SNX31: variants seen among roughly 807,000 people sequenced by gnomAD.
SNX31 encodes the protein sorting nexin 31, also known as sorting nexin-31.
In SNX31, 58 loss-of-function variants were observed where a neutral mutation model predicts 65.4. The ratio of observed to expected loss-of-function variants is 0.89; its 90% CI spans 0.72 to 1.10. SNX31 has a LOEUF of 1.10. SNX31 is among the 50% of genes least tolerant of loss of function. SNX31 has a pLI of 0.00. For synonymous variants in SNX31, 181 were observed against 190.1 expected (o/e 0.95, Z 0.39); for missense variants, 523 against 529.7 (o/e 0.99, Z 0.12).
rs915397520 is a variant in SNX31 at position 100,575,521 on chromosome 8, C to A, written c.1227+1498G>T. On this transcript the variant is annotated intron_variant, in intron 13 of 13. Coordinates refer to ENST00000311812, the MANE Select transcript of SNX31 (RefSeq NM_152628.4). The surrounding 1 kb of genome is among the most constrained non-coding windows in gnomAD (Gnocchi z 5.1). ...TAGAGTTACCACTCATCCGAGAGGA[C>A]AACTGAACTGATCACAGTTGTGCTG... Among the ~76,000 whole-genome samples the A allele has an allele frequency of 5.3e-5, 8 of 152,190 alleles. No homozygotes were observed. The highest frequency in any genetic ancestry group is 1.4e-4 in the African/African-American group (6 of 41,448).
Position 100,588,310 on chromosome 8 carries a change from A to C in SNX31, c.1092+556T>G, listed in dbSNP as rs914397290. ...CATTTGGGATAAGGGATACTCAACC[A>C]GTGGCTTTTTATCTGCTTGGAAAAG... On this transcript the variant is annotated intron_variant, in intron 11 of 13. Transcript: ENST00000311812. The surrounding 1 kb of genome is among the most constrained non-coding windows in gnomAD (Gnocchi z 4.8). 1.3e-5 allele frequency among the ~76,000 whole-genome samples: 2 copies of C among 152,224 alleles called. No homozygotes were observed. Among genetic ancestry groups the C allele is most frequent in the Non-Finnish European group, 2.9e-5 (2 of 68,024 alleles).
rs1814260207 is a variant in SNX31, at chr8:100,588,487, A to G, written c.1092+379T>C. Among the ~76,000 whole-genome samples, 1 of 152,170 alleles carries G rather than the reference A, an allele frequency of 6.6e-6. No homozygotes were observed. Among genetic ancestry groups the G allele is most frequent in the Admixed American group, 6.5e-5 (1 of 15,282 alleles). ...TAAAGTTTTATTGGAACATAGCCAGACTCACTTGTTTATATACTGCCTATG... is the reference window on the plus strand; with the variant it reads ...TAAAGTTTTATTGGAACATAGCCAGGCTCACTTGTTTATATACTGCCTATG... On this transcript the variant is annotated intron_variant, in intron 11 of 13. Transcript: ENST00000311812. This position sits in a 1 kb window ranked among gnomAD's most constrained non-coding sequence, Gnocchi z 4.8.
chr8:100,600,308 TCCCTTTCAA>T, intron 9 of SNX31, 32 bp downstream of exon 9: 1 of 1,535,770 alleles, frequency 6.5e-7, no homozygotes, highest in South Asian at 1.1e-5. Flanking sequence ...TTTCTTTAAC[TCCCTTTCAA>T]GGGATTTCTC....
intron 8 of SNX31, among the ~76,000 whole-genome samples, chr8:100,601,320 T>C (rs1023963472): frequency 1.3e-5 from 2 of 152,078 alleles, no homozygotes; most frequent in African/African-American, 4.8e-5. Flanking sequence ...CACAGAATAT[T>C]TAACAACATG....
In SNX31 at chr8:100,626,052, C is replaced by T. The variant is rs933408594; in HGVS notation, c.321+4275G>A. 6.6e-6 allele frequency among the ~76,000 whole-genome samples: 1 copy of T among 152,104 alleles called. No individual in the cohort carries two copies. Among genetic ancestry groups the T allele is most frequent in the African/African-American group, 2.4e-5 (1 of 41,402 alleles). On this transcript the variant is annotated intron_variant, in intron 4 of 13. Transcript: ENST00000311812. This position sits in a 1 kb window ranked among gnomAD's most constrained non-coding sequence, Gnocchi z 4.4. Reference sequence around the variant, plus strand: ...GACCAGCCTGACCAACATGGAGAAACCCCATCTCTACTAAAATACAAAAAT... The same window carrying T: ...GACCAGCCTGACCAACATGGAGAAATCCCATCTCTACTAAAATACAAAAAT...
rs761602871 is a variant in SNX31, at chr8:100,635,991, ATT to A, written c.160_161del (p.Asn54LeufsTer19). The A allele has an allele frequency of 6.2e-7, 1 of 1,614,016 alleles. No individual in the cohort carries two copies. Among genetic ancestry groups the A allele is most frequent in the African/African-American group, 1.3e-5 (1 of 75,008 alleles). On this transcript the variant is annotated frameshift_variant, in exon 3 of 14. Coordinates refer to ENST00000311812, the MANE Select transcript of SNX31 (RefSeq NM_152628.4). LOFTEE classifies it high-confidence loss of function. ...ACTTTGGTGGGAAGGGTGGCAGGCA[ATT>A]TCCAAAGACCCGCCTTAGCTGAAAG... is the stretch of plus-strand genomic sequence containing the variant. ...WNEQLRRVFG[N>X]CLPPFPPKYY...
chr8:100,615,576 G>A (rs938784412), intron 5 of SNX31, among the ~76,000 whole-genome samples: 4 of 152,138 alleles, frequency 2.6e-5, no homozygotes, highest in South Asian at 2.1e-4. Flanking sequence ...TGAACACTGC[G>A]AAGTGAACTT....
rs191151282 is a variant in SNX31, at chr8:100,660,326, T to C, written c.-58+2816A>G. Among the ~76,000 whole-genome samples the C allele has an allele frequency of 2.2e-3, 336 of 152,332 alleles. 2 individuals carry two copies. Among genetic ancestry groups the C allele is most frequent in the African/African-American group, 7.7e-3 (322 of 41,566 alleles). On this transcript the variant is annotated intron_variant, in intron 1 of 5. Transcript: ENST00000520352. This position sits in a 1 kb window ranked among gnomAD's most constrained non-coding sequence, Gnocchi z 4.1. ...AGGTGAGCTTGTCCCAGTCACATTG[T>C]TTAAAAGTGGCAGGGCCAGAAATTG...
At chr8:100,654,699 T>C (rs1820029170) in intron 1 of SNX31, among the ~76,000 whole-genome samples, 1 of 152,134 alleles carries the variant, frequency 6.6e-6, no homozygotes, top group Admixed American at 6.5e-5. Flanking sequence ...AATGTGGGAA[T>C]TGAAAGATGA....
chr8:100,581,333 C>CTATATA lies in SNX31; in HGVS notation c.1170+2777_1170+2778insTATATA, dbSNP rs1330316859. Among the ~76,000 whole-genome samples, 233 of 137,164 alleles carry CTATATA rather than the reference C, an allele frequency of 1.7e-3. 3 individuals carry two copies. Among genetic ancestry groups the CTATATA allele is most frequent in the African/African-American group, 6.2e-3 (202 of 32,638 alleles). The allele number at this position is 137,164 out of a possible 152,430, so 90.0% of individuals were successfully genotyped here. A position where few individuals can be genotyped will look rare whatever the true frequency, so the allele number is the denominator to read the frequency against. ...TTTTTATATATCTATATCTATCTAT[C>CTATATA]TATCTATATATATATATATATATAA... On this transcript the variant is annotated intron_variant, in intron 12 of 13. Coordinates refer to ENST00000311812, the MANE Select transcript of SNX31 (RefSeq NM_152628.4).
chr8:100,590,812 A>G (rs1279786914), intron 10 of SNX31, among the ~76,000 whole-genome samples: 1 of 152,086 alleles, frequency 6.6e-6, no homozygotes, highest in Non-Finnish European at 1.5e-5. Flanking sequence ...CAACAACAAA[A>G]TATGAATTGG....
chr8:100,649,427 C>G (rs191072346), intron 1 of SNX31, 22 bp downstream of exon 1: 39,859 of 1,588,650 alleles, frequency 0.025, 606 homozygotes, highest in Non-Finnish European at 0.03. Flanking sequence ...CCTGCCCACC[C>G]TGACCCCAGC....
chr8:100,577,608 T>C (rs1436621282), intron 12 of SNX31, among the ~76,000 whole-genome samples: 1 of 152,224 alleles, frequency 6.6e-6, no homozygotes, highest in African/African-American at 2.4e-5. Context: ...AACTATTTAA[T>C]GGAGGTGTGG....
chr8:100,622,033 C>T lies in SNX31; in HGVS notation c.322-4303G>A, dbSNP rs112055230. ...GTGGGAGGCAGCCAACCTTCCACAA[C>T]TTTTTAGTTAAATAAACAAATTTCT... On this transcript the variant is annotated intron_variant, in intron 4 of 13. Coordinates refer to ENST00000311812, the MANE Select transcript of SNX31 (RefSeq NM_152628.4). The surrounding 1 kb of genome is among the most constrained non-coding windows in gnomAD (Gnocchi z 5.0). Among the ~76,000 whole-genome samples, 2,462 of 152,326 alleles carry T rather than the reference C, an allele frequency of 0.016. 65 individuals are homozygous for T. Among genetic ancestry groups the T allele is most frequent in the African/African-American group, 0.056 (2,327 of 41,570 alleles).
chr8:100,654,247 G>A (rs1216010354), upstream of SNX31, among the ~76,000 whole-genome samples: 2 of 152,140 alleles, frequency 1.3e-5, no homozygotes, highest in African/African-American at 4.8e-5. Flanking sequence ...TTGGTCTCAA[G>A]TGCTCCTCCC....
chr8:100,596,870 A>T, intron 9 of SNX31, 28 bp from the exon 10 acceptor site: 11 of 1,601,694 alleles, frequency 6.9e-6, no homozygotes, highest in Non-Finnish European at 9.4e-6. Context: ...ATGTGGGGGG[A>T]GGGGAGGCAA....
At chr8:100,649,801 G>A, upstream of SNX31, 1 of 395,370 alleles carries the variant, frequency 2.5e-6, no homozygotes, top group African/African-American at 2.1e-5. Context: ...ATCGGCCACT[G>A]TTGGCATTTT....
intron 2 of SNX31, among the ~76,000 whole-genome samples, chr8:100,644,549 C>T (rs755045108): frequency 2.0e-5 from 3 of 152,200 alleles, no homozygotes; most frequent in Non-Finnish European, 4.4e-5. Context: ...AAAAAGCTGC[C>T]AGAGCCCGAG....
rs1814303488 is a variant in SNX31, at chr8:100,588,890, C to T, written c.1068G>A (p.Gln356=). ...CCTGTTTGGTGTAAATAACAAACCA[C>T]TGCCAGCAACTATCCTCACTGTATT... The part of the protein sequence containing the change: ...RFQYSEDSCW[Q]WFVIYTKQAF... Residue 356 remains glutamine (Q), a synonymous_variant, in exon 11 of 14, where the codon CAG becomes CAA. Coordinates refer to ENST00000311812, the MANE Select transcript of SNX31 (RefSeq NM_152628.4). The surrounding 1 kb of genome is among the most constrained non-coding windows in gnomAD (Gnocchi z 4.8). 1 of 1,613,982 alleles carries T rather than the reference C, an allele frequency of 6.2e-7. No homozygotes were observed. The highest frequency in any genetic ancestry group is 8.5e-7 in the Non-Finnish European group (1 of 1,179,878).
Sources: gnomAD v4.1 joint callset for allele counts (sites outside exome capture counted in the v4.1 genomes callset) on GRCh38, gnomAD v4.1.1 for gene constraint, Gnocchi (gnomAD v3.1) non-coding constraint, MANE v1.5 for transcripts, NCBI Gene and HGNC (gene_info 2026-07-23, HGNC 2026-07-21) for gene names.